The following KIF6 variants were observed in gnomAD, a reference collection of about 807,000 sequenced individuals.
The protein encoded by KIF6 is kinesin family member 6.
A neutral mutation model predicts 112.7 loss-of-function variants in KIF6; 106 were observed. The observed-to-expected ratio is 0.94, with a 90% confidence interval of 0.80 to 1.11. The LOEUF (loss-of-function observed/expected upper bound fraction) is 1.11. Ranked by LOEUF, KIF6 falls within the 50% of genes least tolerant of loss-of-function variation. KIF6 has a pLI of 0.00. For synonymous variants in KIF6, 339 were observed against 339.9 expected, an observed-to-expected ratio of 1.00 and a Z score of 0.03; for missense variants, 929 against 964.0, an observed-to-expected ratio of 0.96 and a Z score of 0.48.
At chr6:39,361,484 G>A (rs1267293421) in intron 17 of KIF6, among the ~76,000 whole-genome samples, 4 of 151,110 alleles carry the variant, frequency 2.6e-5, no homozygotes, top group African/African-American at 4.9e-5. Context: ...GCTTGAACCC[G>A]GGAGATGGAG....
At chr6:39,365,467 C>T (rs992332153) in intron 16 of KIF6, among the ~76,000 whole-genome samples, 2 of 152,172 alleles carry the variant, frequency 1.3e-5, no homozygotes, top group Admixed American at 1.3e-4. Flanking sequence ...TGTCTTCCCC[C>T]AGTGCTGTGT....
At chr6:39,536,425 T>C (rs1419480817) in intron 13 of KIF6, among the ~76,000 whole-genome samples, 5 of 151,906 alleles carry the variant, frequency 3.3e-5, no homozygotes, top group Non-Finnish European at 7.4e-5. Context: ...CATCAGAGAA[T>C]ACTACAAACA....
At chr6:39,627,083 A>C (rs1429755957) in intron 5 of KIF6, among the ~76,000 whole-genome samples, 1 of 152,096 alleles carries the variant, frequency 6.6e-6, no homozygotes, top group Non-Finnish European at 1.5e-5. Context: ...AAATCCTCAC[A>C]TTTGTACCTT....
At chr6:39,438,445 G>A (rs1317794842) in intron 13 of KIF6, among the ~76,000 whole-genome samples, 1 of 152,134 alleles carries the variant, frequency 6.6e-6, no homozygotes, top group Non-Finnish European at 1.5e-5. Context: ...AGTGGGACAA[G>A]GTGTGGAGGT....
intron 3 of KIF6, among the ~76,000 whole-genome samples, chr6:39,651,141 T>C (rs1785446880): frequency 6.6e-6 from 1 of 152,226 alleles, no homozygotes; most frequent in African/African-American, 2.4e-5. Flanking sequence ...GAAAGTCTTC[T>C]ACAAAAATTT....
intron 10 of KIF6, among the ~76,000 whole-genome samples, chr6:39,573,223 G>C (rs1780741478): frequency 6.6e-6 from 1 of 151,980 alleles, no homozygotes; most frequent in South Asian, 2.1e-4. Context: ...GTCTCCTGGA[G>C]AGTTTGGGCG....
intron 3 of KIF6, among the ~76,000 whole-genome samples, chr6:39,672,322 C>T (rs1233996708): frequency 6.6e-6 from 1 of 152,150 alleles, no homozygotes. Flanking sequence ...CTTATGGTAA[C>T]ATTGGTTTTG....
chr6:39,347,468 G>A (rs1275071335), intron 19 of KIF6, among the ~76,000 whole-genome samples: 1 of 152,258 alleles, frequency 6.6e-6, no homozygotes, highest in Non-Finnish European at 1.5e-5. Context: ...CCTCTTGGGA[G>A]GTGAAGAGGC....
At chr6:39,377,202 C>G (rs10456470) in intron 16 of KIF6, among the ~76,000 whole-genome samples, 61,711 of 152,066 alleles carry the variant, frequency 0.41, 14,698 homozygotes, top group Non-Finnish European at 0.52. Flanking sequence ...GTATGTGCTG[C>G]TGTACCTGGC....
rs766692753 is a variant in KIF6 at position 39,333,291 on chromosome 6, T to A, written c.*3241A>T. 23 of 152,340 alleles carry A rather than the reference T, an allele frequency of 1.5e-4. No individual in the cohort carries two copies. Among genetic ancestry groups the A allele is most frequent in the Non-Finnish European group, 2.8e-4 (19 of 68,036 alleles). 9.4% of individuals were successfully genotyped at this position (152,340 alleles called of 1,614,324 possible). A position where few individuals can be genotyped will look rare whatever the true frequency, so the allele number is the denominator to read the frequency against. On this transcript the variant is annotated 3_prime_UTR_variant, in exon 23 of 23. Coordinates refer to ENST00000287152, the MANE Select transcript of KIF6 (RefSeq NM_145027.6). ...TCCAATTTCTGTGCCAGTCTGCTAT[T>A]GCTACAATTAATGCTATATAACAAA...
chr6:39,343,209 C>T lies in KIF6; in HGVS notation c.2428+500G>A, dbSNP rs1433899285. 1.6e-5 allele frequency: 20 copies of T among 1,218,458 alleles called. No individual in the cohort carries two copies. The highest frequency in any genetic ancestry group is 1.2e-4 in the Admixed American group (4 of 33,186). 75.5% of individuals were successfully genotyped at this position (1,218,458 alleles called of 1,614,324 possible). A position where few individuals can be genotyped will look rare whatever the true frequency, so the allele number is the denominator to read the frequency against. ...CTTCTTCTCTTCCTGTTGTCTGACA[C>T]GCCACTCTTACTTCCTCTGTGATTG... On this transcript the variant is annotated intron_variant, in intron 22 of 22. Coordinates refer to ENST00000287152, the MANE Select transcript of KIF6 (RefSeq NM_145027.6). The surrounding 1 kb of genome is among the most constrained non-coding windows in gnomAD (Gnocchi z 4.1).
At chr6:39,717,588 G>A (rs767955354) in intron 2 of KIF6, among the ~76,000 whole-genome samples, 37 of 151,748 alleles carry the variant, frequency 2.4e-4, no homozygotes, top group Non-Finnish European at 4.3e-4. Context: ...TCCATGGCAC[G>A]TAGCACCTTC....
chr6:39,346,143 CT>C (rs1763783392), intron 20 of KIF6, among the ~76,000 whole-genome samples: 5 of 132,716 alleles, frequency 3.8e-5, no homozygotes, highest in Admixed American at 8.0e-5. Flanking sequence ...CTCTCTCTCT[CT>C]CTCTCTCTCT....
chr6:39,494,696 CT>C (rs1775672329), intron 13 of KIF6, among the ~76,000 whole-genome samples: 1 of 151,536 alleles, frequency 6.6e-6, no homozygotes, highest in African/African-American at 2.4e-5. Context: ...ATTTTTGGTT[CT>C]TTTTAATAGG....
intron 13 of KIF6, among the ~76,000 whole-genome samples, chr6:39,453,566 T>G (rs899277214): frequency 6.6e-6 from 1 of 152,164 alleles, no homozygotes; most frequent in Admixed American, 6.6e-5. Context: ...TCGTCCTTCA[T>G]AAAAAAACAA....
chr6:39,519,785 G>A (rs1294182686), intron 13 of KIF6, among the ~76,000 whole-genome samples: 1 of 151,646 alleles, frequency 6.6e-6, no homozygotes, highest in African/African-American at 2.4e-5. Flanking sequence ...CCTTCAGGAG[G>A]CCAAGGCGGG....
At chr6:39,615,097 C>T (rs1193603620) in intron 5 of KIF6, among the ~76,000 whole-genome samples, 1 of 151,812 alleles carries the variant, frequency 6.6e-6, no homozygotes, top group East Asian at 1.9e-4. Flanking sequence ...GGCTTGAGCC[C>T]AGGCATTCAA....
chr6:39,336,952 T>G (rs1762946258), intron 22 of KIF6, among the ~76,000 whole-genome samples: 2 of 150,860 alleles, frequency 1.3e-5, no homozygotes, highest in South Asian at 4.2e-4. Flanking sequence ...TTTCTTTCTC[T>G]TTCTTCTCTT....
rs569547829 is a variant in KIF6, at chr6:39,682,528, G to C, written c.251+32164C>G. Among the ~76,000 whole-genome samples, 20 of 152,242 alleles carry C rather than the reference G, an allele frequency of 1.3e-4. No homozygotes were observed. The East Asian group carries it at 2.9e-3, about 22-fold the overall frequency. Reference sequence around the variant, plus strand: ...AAACGTCCTTATGCAGTGCATAATCGAACTATGAAGAGAATGCAAATAAAA... The same window carrying C: ...AAACGTCCTTATGCAGTGCATAATCCAACTATGAAGAGAATGCAAATAAAA... On this transcript the variant is annotated intron_variant, in intron 3 of 22. Transcript: ENST00000287152.
Sources: gnomAD v4.1 joint callset for allele counts (sites outside exome capture counted in the v4.1 genomes callset) on GRCh38, gnomAD v4.1.1 for gene constraint, Gnocchi (gnomAD v3.1) non-coding constraint, MANE v1.5 for transcripts, NCBI Gene and HGNC (gene_info 2026-07-23, HGNC 2026-07-21) for gene names.